Variants in LOC400499 observed in about 807,000 individuals in gnomAD.
chr16:11,510,632 G>A, the LOC400499 span, among the ~76,000 whole-genome samples: 89,351 of 151,134 alleles, frequency 0.59, 27,407 homozygotes, highest in Admixed American at 0.66. Flanking sequence ...CCTCAGGGTG[G>A]CAGAAATGGA....
the LOC400499 span, among the ~76,000 whole-genome samples, chr16:11,512,016 C>T: frequency 5.3e-5 from 8 of 152,002 alleles, no homozygotes; most frequent in Non-Finnish European, 1.2e-4. Flanking sequence ...AGGCTGGGCA[C>T]GGTGGCTCAT....
chr16:11,506,319 C>T, the LOC400499 span, among the ~76,000 whole-genome samples: 1 of 152,238 alleles, frequency 6.6e-6, no homozygotes, highest in Admixed American at 6.5e-5. Context: ...GCCACTGAGC[C>T]TGGCCACAAC....
At chr16:11,524,829 C>T in the LOC400499 span, among the ~76,000 whole-genome samples, 2 of 150,828 alleles carry the variant, frequency 1.3e-5, no homozygotes, top group Non-Finnish European at 3.0e-5. Flanking sequence ...CTTGCAGGAT[C>T]TTTCCCAGGC....
chr16:11,403,684 GT>G, the LOC400499 span, among the ~76,000 whole-genome samples: 3 of 152,208 alleles, frequency 2.0e-5, no homozygotes, highest in Non-Finnish European at 2.9e-5. Flanking sequence ...GCTCTGCTCT[GT>G]GCTCAGGAGG....
chr16:11,448,775 A>G, the LOC400499 span: 1 of 499,360 alleles, frequency 2.0e-6, no homozygotes, highest in South Asian at 5.9e-5. Flanking sequence ...AAAGAGAAAG[A>G]GAAATAGAGG....
At chr16:11,372,317 G>C in the LOC400499 span, 16,529 of 152,318 alleles carry the variant, frequency 0.11, 1,049 homozygotes, top group Middle Eastern at 0.3. Context: ...AAGCAGCTGA[G>C]GACCTGGCTT....
chr16:11,470,435 C>G, the LOC400499 span, among the ~76,000 whole-genome samples: 2 of 152,198 alleles, frequency 1.3e-5, no homozygotes, highest in African/African-American at 4.8e-5. Context: ...GCACATCTCT[C>G]AGCATCTTCC....
chr16:11,497,662 A>G, the LOC400499 span, among the ~76,000 whole-genome samples: 1 of 152,202 alleles, frequency 6.6e-6, no homozygotes, highest in Admixed American at 6.5e-5. Flanking sequence ...TGCCAGGACA[A>G]CTGGGCCAGC....
chr16:11,468,428 A>G, the LOC400499 span, among the ~76,000 whole-genome samples: 1 of 152,064 alleles, frequency 6.6e-6, no homozygotes, highest in African/African-American at 2.4e-5. Context: ...GGCTCCAGCA[A>G]TCCTCTTGCC....
chr16:11,521,620 A>G, the LOC400499 span, among the ~76,000 whole-genome samples: 3 of 152,086 alleles, frequency 2.0e-5, no homozygotes. Context: ...ACACCCTTGG[A>G]CTTGCAGACA....
the LOC400499 span, among the ~76,000 whole-genome samples, chr16:11,521,746 G>A: frequency 0.019 from 2,936 of 152,112 alleles, 100 homozygotes; most frequent in African/African-American, 0.066. Context: ...GCTATTCCCC[G>A]ATTGGGCCCT....
chr16:11,377,022 T>A, the LOC400499 span, among the ~76,000 whole-genome samples: 1 of 151,638 alleles, frequency 6.6e-6, no homozygotes, highest in Non-Finnish European at 1.5e-5. Context: ...ATAATCATCG[T>A]CAAAACTGAC....
chr16:11,407,468 C>A, the LOC400499 span: 1 of 395,716 alleles, frequency 2.5e-6, no homozygotes, highest in Non-Finnish European at 4.4e-6. Context: ...CCCAAGAGAC[C>A]CACAACTCCC....
chr16:11,451,597 A>G, the LOC400499 span, among the ~76,000 whole-genome samples: 6 of 152,186 alleles, frequency 3.9e-5, no homozygotes, highest in Non-Finnish European at 7.3e-5. Flanking sequence ...CAAACAAAAA[A>G]CACAGGTAGA....
At chr16:11,373,231 G>C in the LOC400499 span, among the ~76,000 whole-genome samples, 1 of 152,248 alleles carries the variant, frequency 6.6e-6, no homozygotes, top group African/African-American at 2.4e-5. Context: ...TAGAGGGACT[G>C]CTCTGCTGTT....
At chr16:11,516,451 T>G in the LOC400499 span, 2 of 397,072 alleles carry the variant, frequency 5.0e-6, no homozygotes, top group African/African-American at 4.1e-5. Context: ...CCCCACTAGA[T>G]AGCCTTTGTT....
At chr16:11,373,230 T>C in the LOC400499 span, among the ~76,000 whole-genome samples, 1 of 152,374 alleles carries the variant, frequency 6.6e-6, no homozygotes, top group East Asian at 1.9e-4. Context: ...CTAGAGGGAC[T>C]GCTCTGCTGT....
At chr16:11,437,684 G>A in the LOC400499 span, among the ~76,000 whole-genome samples, 4 of 152,092 alleles carry the variant, frequency 2.6e-5, no homozygotes, top group Non-Finnish European at 4.4e-5. Context: ...CCTGGCCAAC[G>A]TAGTGAAATC....
the LOC400499 span, among the ~76,000 whole-genome samples, chr16:11,498,456 T>G: frequency 3.1e-3 from 466 of 152,262 alleles, 1 homozygote; most frequent in African/African-American, 0.01. Context: ...CACTCCAGCC[T>G]GGGCAACAGA....
Sources: gnomAD v4.1 joint callset for allele counts (sites outside exome capture counted in the v4.1 genomes callset) on GRCh38, gnomAD v4.1.1 for gene constraint, MANE v1.5 for transcripts.